The following SDK1 variants were observed in gnomAD, a reference collection of about 807,000 sequenced individuals.
SDK1 encodes sidekick cell adhesion molecule 1.
A neutral mutation model predicts 245.5 loss-of-function variants in SDK1; 157 were observed. That is an observed-to-expected ratio of 0.64 (90% CI 0.56 to 0.73). SDK1 has a LOEUF of 0.73. Ranked by LOEUF, SDK1 falls within the 30% of genes least tolerant of loss-of-function variation. The pLI, the probability that SDK1 is intolerant of heterozygous loss-of-function variation, is 0.00. For synonymous variants in SDK1, 1,647 were observed against 1,278.5 expected (o/e 1.29, Z -6.15); for missense variants, 3,583 against 3,002.3 (o/e 1.19, Z -4.52).
intron 44 of SDK1, among the ~76,000 whole-genome samples, chr7:4,255,352 C>A (rs1164244875): frequency 6.6e-6 from 1 of 152,220 alleles, no homozygotes; most frequent in African/African-American, 2.4e-5. Flanking sequence ...TGCGCAGGAC[C>A]TCTGTGTCAC....
At chr7:4,030,601 C>G (rs78234563) in intron 17 of SDK1, among the ~76,000 whole-genome samples, 1,639 of 152,306 alleles carry the variant, frequency 0.011, 77 homozygotes, top group East Asian at 0.089. Flanking sequence ...CATCAACGGG[C>G]TTTTCATACG....
intron 1 of SDK1, among the ~76,000 whole-genome samples, chr7:3,475,814 T>TA (rs1781332752): frequency 6.6e-6 from 1 of 152,202 alleles, no homozygotes; most frequent in South Asian, 2.1e-4. Context: ...GAACTGCATT[T>TA]AAAAATCACC....
At chr7:3,778,666 C>T (rs769174144) in intron 4 of SDK1, among the ~76,000 whole-genome samples, 6 of 152,192 alleles carry the variant, frequency 3.9e-5, no homozygotes, top group Non-Finnish European at 7.3e-5. Flanking sequence ...AAACGTGAAT[C>T]CACCATGTTC....
At chr7:3,959,141 G>A (rs1178885425) in intron 8 of SDK1, 127 bp downstream of exon 8, 2 of 759,980 alleles carry the variant, frequency 2.6e-6, no homozygotes, top group South Asian at 3.1e-5. Context: ...AGACTTCAGA[G>A]AGTAGATCGG....
chr7:3,366,699 T>G (rs909325269), intron 1 of SDK1, among the ~76,000 whole-genome samples: 1 of 152,176 alleles, frequency 6.6e-6, no homozygotes, highest in Non-Finnish European at 1.5e-5. Context: ...TCATGTCTTT[T>G]GCCTATTTGT....
chr7:4,253,792 G>A (rs183019337), intron 44 of SDK1, among the ~76,000 whole-genome samples: 10 of 152,144 alleles, frequency 6.6e-5, no homozygotes, highest in African/African-American at 2.2e-4. Context: ...TGTATTTTGA[G>A]GCTCTGTTAG....
chr7:3,987,833 G>A (rs1009231215), intron 14 of SDK1, among the ~76,000 whole-genome samples: 1 of 152,126 alleles, frequency 6.6e-6, no homozygotes. Flanking sequence ...GCCACTCACA[G>A]CCTTGGCTCT....
In SDK1 at chr7:3,641,834, G is replaced by T. The variant is rs137956340; in HGVS notation, c.566-124G>T. 3 of 783,900 alleles carry T rather than the reference G, an allele frequency of 3.8e-6. No individual in the cohort carries two copies. In the South Asian group the frequency reaches 5.4e-5, roughly 14 times the overall value. 48.6% of individuals were successfully genotyped at this position (783,900 alleles called of 1,614,324 possible). ...TCAGCGCTGCCGTGCAGTCTCGCTCGTCCTGGTGTGAAATGTGGCAGCATC... is the reference window on the plus strand; with the variant it reads ...TCAGCGCTGCCGTGCAGTCTCGCTCTTCCTGGTGTGAAATGTGGCAGCATC... On this transcript the variant is annotated intron_variant, in intron 3 of 44. Coordinates refer to ENST00000404826, the MANE Select transcript of SDK1 (RefSeq NM_152744.4).
intron 25 of SDK1, among the ~76,000 whole-genome samples, chr7:4,126,772 T>C (rs1180149670): frequency 2.6e-5 from 4 of 152,252 alleles, no homozygotes; most frequent in Admixed American, 2.6e-4. Context: ...CCATCTCCTT[T>C]TAGAAAAACA....
chr7:3,403,837 AT>A (rs1351310990), intron 1 of SDK1, among the ~76,000 whole-genome samples: 1 of 54,978 alleles, frequency 1.8e-5, no homozygotes, highest in African/African-American at 1.7e-4. Context: ...ATATATATAT[AT>A]ATATATATAT....
In SDK1 at chr7:3,846,136, T is replaced by G. The variant is rs537612926; in HGVS notation, c.847+24553T>G. 5.9e-5 allele frequency among the ~76,000 whole-genome samples: 9 copies of G among 152,286 alleles called. No homozygotes were observed. In the South Asian group the frequency reaches 1.9e-3, roughly 32 times the overall value. On this transcript the variant is annotated intron_variant, in intron 5 of 44. Coordinates refer to ENST00000404826, the MANE Select transcript of SDK1 (RefSeq NM_152744.4). Reference sequence around the variant, plus strand: ...TGTTTAGGTTGCTGAGAAATGACATTCTCTCTTAATTTCATGAACTGAGTA... The same window carrying G: ...TGTTTAGGTTGCTGAGAAATGACATGCTCTCTTAATTTCATGAACTGAGTA...
chr7:3,711,443 G>T (rs1397578403), intron 4 of SDK1, among the ~76,000 whole-genome samples: 1 of 152,188 alleles, frequency 6.6e-6, no homozygotes, highest in Non-Finnish European at 1.5e-5. Context: ...ATGATAGATG[G>T]CTGTGAATTC....
At position 4,168,718 on chromosome 7, in the gene SDK1, G is replaced by A. The variant is rs146523944; in HGVS notation, c.4801-5504G>A. Among the ~76,000 whole-genome samples the A allele has an allele frequency of 8.1e-4, 124 of 152,316 alleles. No individual in the cohort carries two copies. In the East Asian group the frequency reaches 9.7e-3, roughly 12 times the overall value. ...TGAGGTACCAGTTCCTCGAGCTGCT[G>A]CAGGTCTATTCTGGGGCGAGAGGGA... is the stretch of plus-strand genomic sequence containing the variant. On this transcript the variant is annotated intron_variant, in intron 32 of 44. Transcript: ENST00000404826.
intron 5 of SDK1, among the ~76,000 whole-genome samples, chr7:3,827,879 G>C (rs1459717783): frequency 1.3e-5 from 2 of 152,180 alleles, no homozygotes; most frequent in African/African-American, 4.8e-5. Context: ...CACCCAAGCA[G>C]AATTGGACTC....
intron 1 of SDK1, among the ~76,000 whole-genome samples, chr7:3,391,051 T>C (rs1449532466): frequency 1.3e-5 from 2 of 152,172 alleles, no homozygotes; most frequent in Non-Finnish European, 2.9e-5. Context: ...CCATTGCTCT[T>C]TGAGTAATTC....
chr7:3,841,069 A>G (rs1487849813), intron 5 of SDK1, among the ~76,000 whole-genome samples: 3 of 152,152 alleles, frequency 2.0e-5, no homozygotes, highest in African/African-American at 7.2e-5. Flanking sequence ...CTTGTCTCCA[A>G]TCCCAGGGAT....
chr7:3,689,234 G>A (rs1263167501), intron 4 of SDK1, among the ~76,000 whole-genome samples: 2 of 152,114 alleles, frequency 1.3e-5, no homozygotes, highest in Admixed American at 1.3e-4. Context: ...CAGGTTTCCA[G>A]CTTCCCTTGC....
chr7:4,210,102 G>C lies in SDK1; in HGVS notation c.5479G>C (p.Ala1827Pro). 2 of 1,610,320 alleles carry C rather than the reference G, an allele frequency of 1.2e-6. No homozygotes were observed. The highest frequency in any genetic ancestry group is 1.7e-6 in the Non-Finnish European group (2 of 1,178,558). The change falls in exon 38 of 45, where the codon GCG becomes CCG. Residue 1827 changes from alanine (A) to proline (P), a missense_variant. Coordinates refer to ENST00000404826, the MANE Select transcript of SDK1 (RefSeq NM_152744.4). ...CAACGTGTCCTGGGGCGAGCCTGCGGCGGCCAACGGCATCCTGCAGGGCTA... is the reference window on the plus strand; with the variant it reads ...CAACGTGTCCTGGGGCGAGCCTGCGCCGGCCAACGGCATCCTGCAGGGCTA... ...TLNVSWGEPAAANGILQGYRV... is the reference protein window; with the variant it reads ...TLNVSWGEPAPANGILQGYRV...
intron 2 of SDK1, among the ~76,000 whole-genome samples, chr7:3,638,432 C>T (rs1027245226): frequency 1.3e-5 from 2 of 151,862 alleles, no homozygotes; most frequent in African/African-American, 4.8e-5. Flanking sequence ...GGCACATATA[C>T]ACCATGGAAT....
Sources: allele counts gnomAD v4.1 joint callset (sites outside exome capture counted in the v4.1 genomes callset), GRCh38; gene constraint gnomAD v4.1.1; transcripts MANE v1.5; gene names NCBI Gene and HGNC (gene_info 2026-07-23, HGNC 2026-07-21).